IGDCC4: variants seen among roughly 807,000 people sequenced by gnomAD.
The protein encoded by IGDCC4 is immunoglobulin superfamily DCC subclass member 4.
IGDCC4 carries 72 observed loss-of-function variants against 116.6 expected under a neutral mutation model. The ratio of observed to expected loss-of-function variants is 0.62; its 90% CI spans 0.51 to 0.75. The LOEUF is 0.75. Ranked by LOEUF, IGDCC4 falls within the 30% of genes least tolerant of loss-of-function variation. The pLI is 0.00. For missense variants in IGDCC4, 1,501 were observed against 1,662.4 expected (o/e 0.90, Z 1.69); for synonymous variants, 709 against 719.9 (o/e 0.98, Z 0.24).
chr15:65,396,216 G>A, intron 6 of IGDCC4, 53 bp from the exon 7 acceptor site: 1 of 1,188,160 alleles, frequency 8.4e-7, no homozygotes, highest in Non-Finnish European at 1.1e-6. Context: ...TAAGGTCTCT[G>A]CCCCCCCCCC....
chr15:65,402,737 C>CGT (rs2063001645), intron 3 of IGDCC4, among the ~76,000 whole-genome samples: 3 of 152,122 alleles, frequency 2.0e-5, no homozygotes, highest in African/African-American at 7.2e-5. Context: ...CGTAGTGGTG[C>CGT]ATGCCTGTAA....
In IGDCC4 at chr15:65,411,337, T is replaced by G; in HGVS notation, c.104A>C (p.Glu35Ala). 6.3e-7 allele frequency: 1 copy of G among 1,590,366 alleles called. No individual in the cohort carries two copies. The highest frequency in any genetic ancestry group is 8.6e-7 in the Non-Finnish European group (1 of 1,165,640). Residue 35 changes from glutamate (E) to alanine (A), a missense_variant, in exon 2 of 20, where the codon GAG becomes GCG. Physicochemically the swap from Glu to Ala is moderately radical, Grantham distance 107 (BLOSUM62 -1). Around this residue, in one of 3 missense-constraint regions of IGDCC4, gnomAD observed 898 missense variants for 978.9 expected, o/e 0.92. Transcript: ENST00000352385. The part of the protein sequence containing the change: ...ELLLPQETTV[E>A]LSCGVGPLQV... ...CAGTGGCCCCACTCCACAGCTCAGC[T>G]CCACAGTCGTCTCCTGGGGCAACAG...
At chr15:65,410,912 G>A in intron 2 of IGDCC4, 108 bp downstream of exon 2, 2 of 818,974 alleles carry the variant, frequency 2.4e-6, no homozygotes, top group Middle Eastern at 3.6e-4. Context: ...GAAAGGGGGA[G>A]TGGGATCAAG....
Position 65,401,088 on chromosome 15 carries a change from TA to T in IGDCC4, c.701-143del, listed in dbSNP as rs1350250745. 3 of 1,072,240 alleles carry T rather than the reference TA, an allele frequency of 2.8e-6. No homozygotes were observed. In the East Asian group the frequency reaches 7.6e-5, roughly 27 times the overall value. 66.4% of individuals were successfully genotyped at this position (1,072,240 alleles called of 1,614,324 possible). A position where few individuals can be genotyped will look rare whatever the true frequency, so the allele number is the denominator to read the frequency against. ...ATCTGTCAGATGGGGGACGTAGCCA[TA>T]AAATTCAGCAGGGCTGGGACTGGAC... On this transcript the variant is annotated intron_variant, in intron 4 of 19. Transcript: ENST00000352385.
intron 8 of IGDCC4, 129 bp downstream of exon 8, chr15:65,394,965 C>T (rs2062906181): frequency 2.9e-6 from 3 of 1,041,968 alleles, no homozygotes; most frequent in Non-Finnish European, 1.4e-6. Context: ...CCCGCCCACT[C>T]TCTTACGGGG....
At position 65,388,448 on chromosome 15, in the gene IGDCC4, C is replaced by T. The variant is rs946239292; in HGVS notation, c.2845+1G>A. On this transcript the variant is annotated splice_donor_variant, in intron 16 of 19. Coordinates refer to ENST00000352385, the MANE Select transcript of IGDCC4 (RefSeq NM_020962.3). LOFTEE classifies it high-confidence loss of function. ...AAACCTGGGCTGCCCTGTGCTCATACCTGACAGCTTCTCCTGGAGCGTGAT... is the reference window on the plus strand; with the variant it reads ...AAACCTGGGCTGCCCTGTGCTCATATCTGACAGCTTCTCCTGGAGCGTGAT... The T allele has an allele frequency of 6.2e-7, 1 of 1,614,102 alleles. No individual in the cohort carries two copies. Among genetic ancestry groups the T allele is most frequent in the East Asian group, 2.2e-5 (1 of 44,884 alleles).
At chr15:65,394,083 C>T (rs1305419949) in intron 9 of IGDCC4, among the ~76,000 whole-genome samples, 1 of 152,174 alleles carries the variant, frequency 6.6e-6, no homozygotes, top group East Asian at 1.9e-4. Context: ...TCCCTGCAGC[C>T]TTGAATTCCT....
intron 18 of IGDCC4, chr15:65,385,376 A>G: frequency 1.8e-6 from 1 of 546,414 alleles, no homozygotes; most frequent in African/African-American, 1.9e-5. Context: ...AGGCGGGGAG[A>G]GGGTGAGGGA....
rs377082218 is a variant in IGDCC4 at position 65,395,272 on chromosome 15, G to A, written c.1412-14C>T. 73 of 1,601,050 alleles carry A rather than the reference G, an allele frequency of 4.6e-5. No individual in the cohort carries two copies. Among genetic ancestry groups the A allele is most frequent in the Non-Finnish European group, 6.1e-5 (71 of 1,170,276 alleles). ...CATTGTCCATGCCTGGTGACACGGG[G>A]GACAAGGGGACTGTCATAGTGCCAC... On this transcript the variant is annotated splice_polypyrimidine_tract_variant and intron_variant, in intron 7 of 19. Coordinates refer to ENST00000352385, the MANE Select transcript of IGDCC4 (RefSeq NM_020962.3).
chr15:65,407,487 C>T lies in IGDCC4; in HGVS notation c.563+2691G>A, dbSNP rs1039891445. Among the ~76,000 whole-genome samples the T allele has an allele frequency of 9.9e-5, 15 of 152,034 alleles. No homozygotes were observed. The East Asian group carries it at 1.4e-3, about 14-fold the overall frequency. On this transcript the variant is annotated intron_variant, in intron 3 of 19. Coordinates refer to ENST00000352385, the MANE Select transcript of IGDCC4 (RefSeq NM_020962.3). ...CCTCCTGAGTAGCTGGGTTTATAGG[C>T]GCCTGCCACCATGTCCAGCTAATTT...
intron 1 of IGDCC4, among the ~76,000 whole-genome samples, chr15:65,412,542 C>G (rs1231133933): frequency 2.9e-5 from 3 of 103,944 alleles, no homozygotes; most frequent in Non-Finnish European, 5.7e-5. Flanking sequence ...AAAAAAAGCA[C>G]AGTGCCTGAC....
intron 16 of IGDCC4, among the ~76,000 whole-genome samples, chr15:65,387,553 G>T (rs756443176): frequency 6.6e-6 from 1 of 151,940 alleles, no homozygotes; most frequent in Non-Finnish European, 1.5e-5. Flanking sequence ...GAGTTTCACC[G>T]TGTTAGCCAG....
intron 1 of IGDCC4, among the ~76,000 whole-genome samples, chr15:65,414,209 C>T (rs1567094395): frequency 6.6e-6 from 1 of 152,174 alleles, no homozygotes; most frequent in Non-Finnish European, 1.5e-5. Flanking sequence ...GAGGCCAGGG[C>T]CTGGGATTGC....
Position 65,386,625 on chromosome 15 carries a change from G to T in IGDCC4, c.2877C>A (p.Ile959=). The change falls in exon 17 of 20, where the codon ATC becomes ATA. Residue 959 remains isoleucine, a synonymous_variant. Transcript: ENST00000352385. ...GGAGGCCCAGGCAGACACCCACGAT[G>T]ATGCCCGTGACTGAGTGCATGTCCA... The part of the protein sequence containing the change: ...DSLDMHSVTG[I]IVGVCLGLLC... The T allele has an allele frequency of 6.2e-7, 1 of 1,612,582 alleles. No homozygotes were observed. The highest frequency in any genetic ancestry group is 1.7e-5 in the Admixed American group (1 of 59,940).
rs1212355509 is a variant in IGDCC4 at position 65,384,934 on chromosome 15, C to T, written c.3342+20G>A. ...GAGACCCTTTCCTCCTTTCCTGCCCCTTCCTTCCAGGACGCTGACCTTTAT... is the reference window on the plus strand; with the variant it reads ...GAGACCCTTTCCTCCTTTCCTGCCCTTTCCTTCCAGGACGCTGACCTTTAT... On this transcript the variant is annotated intron_variant, in intron 19 of 19. Transcript: ENST00000352385. The surrounding 1 kb of genome is among the most constrained non-coding windows in gnomAD (Gnocchi z 4.9). 1 of 1,606,010 alleles carries T rather than the reference C, an allele frequency of 6.2e-7. No homozygotes were observed. The highest frequency in any genetic ancestry group is 1.3e-5 in the African/African-American group (1 of 74,438).
At chr15:65,419,889 C>T (rs1240815641) in intron 1 of IGDCC4, among the ~76,000 whole-genome samples, 1 of 152,210 alleles carries the variant, frequency 6.6e-6, no homozygotes, top group East Asian at 1.9e-4. Flanking sequence ...TGGGCAGGCA[C>T]AGGCATTATC....
intron 12 of IGDCC4, 112 bp from the exon 13 acceptor site, chr15:65,390,450 G>T: frequency 1.2e-6 from 1 of 801,792 alleles, no homozygotes; most frequent in Non-Finnish European, 1.8e-6. Context: ...CTTTGATCCT[G>T]TGAGTTGAGT....
chr15:65,395,615 C>T, intron 7 of IGDCC4, 135 bp downstream of exon 7: 4 of 999,070 alleles, frequency 4.0e-6, no homozygotes, highest in Non-Finnish European at 5.5e-6. Context: ...CGGGTCTCTC[C>T]TATGGGCTCC....
chr15:65,418,162 G>T (rs2063160913), intron 1 of IGDCC4, among the ~76,000 whole-genome samples: 1 of 152,200 alleles, frequency 6.6e-6, no homozygotes, highest in South Asian at 2.1e-4. Context: ...ATGTCAGGAA[G>T]ACATGTGGAA....
Sources: gnomAD v4.1 joint callset for allele counts (sites outside exome capture counted in the v4.1 genomes callset) on GRCh38, gnomAD v4.1.1 for gene constraint, gnomAD v4.1.1 regional missense constraint, Gnocchi (gnomAD v3.1) non-coding constraint, MANE v1.5 for transcripts, NCBI Gene and HGNC (gene_info 2026-07-23, HGNC 2026-07-21) for gene names.